The following OPN5 variants were observed in gnomAD, a reference collection of about 807,000 sequenced individuals.
OPN5 encodes opsin 5, also known as opsin-5.
Under a neutral mutation model 41.7 loss-of-function variants are expected in OPN5, and 18 were observed. That is an observed-to-expected ratio of 0.43 (90% CI 0.30 to 0.64). The LOEUF is 0.64. OPN5 is among the 30% of genes least tolerant of loss of function. The probability of loss-of-function intolerance (pLI) is 0.13; values close to 1 mark genes in which losing one functional copy is unlikely to be tolerated. For synonymous variants in OPN5, 178 were observed against 164.3 expected (o/e 1.08, Z -0.64); for missense variants, 318 against 434.5 (o/e 0.73, Z 2.38).
At chr6:47,814,193 G>A (rs187916241) in intron 6 of OPN5, among the ~76,000 whole-genome samples, 88 of 152,036 alleles carry the variant, frequency 5.8e-4, no homozygotes, top group African/African-American at 2.0e-3. Context: ...CTTTTGTGTG[G>A]GGGGATGATT....
intron 5 of OPN5, among the ~76,000 whole-genome samples, chr6:47,810,677 A>G (rs1403340664): frequency 6.6e-6 from 1 of 152,204 alleles, no homozygotes; most frequent in Non-Finnish European, 1.5e-5. Flanking sequence ...GGTAATTTTA[A>G]CAGTCTATTA....
chr6:47,823,938 T>A (rs900499408), intron 6 of OPN5, 45 bp from the exon 7 acceptor site: 2 of 1,486,992 alleles, frequency 1.3e-6, no homozygotes, highest in Non-Finnish European at 1.8e-6. Context: ...CTCCACTTAC[T>A]GGCTGTGTGC....
At chr6:47,782,957 T>A (rs1361418397) in intron 1 of OPN5, among the ~76,000 whole-genome samples, 1 of 152,152 alleles carries the variant, frequency 6.6e-6, no homozygotes, top group African/African-American at 2.4e-5. Context: ...TAATAATTTT[T>A]AAAAATTAAA....
chr6:47,787,281 A>G, intron 2 of OPN5: 1 of 490,862 alleles, frequency 2.0e-6, no homozygotes, highest in Non-Finnish European at 2.6e-6. Context: ...GAGAATCTAC[A>G]GGTATGTTAA....
chr6:47,817,207 G>C (rs930818887), intron 6 of OPN5, among the ~76,000 whole-genome samples: 1 of 152,072 alleles, frequency 6.6e-6, no homozygotes, highest in Non-Finnish European at 1.5e-5. Context: ...GAAGAAGGGG[G>C]TCAGAGCACG....
At chr6:47,799,433 G>A (rs1185894052) in intron 4 of OPN5, among the ~76,000 whole-genome samples, 2 of 152,130 alleles carry the variant, frequency 1.3e-5, no homozygotes, top group Non-Finnish European at 2.9e-5. Context: ...CAATGCCAGT[G>A]CTAATGGGTT....
chr6:47,819,222 T>G (rs528005164), intron 6 of OPN5, among the ~76,000 whole-genome samples: 1 of 150,646 alleles, frequency 6.6e-6, no homozygotes, highest in South Asian at 2.1e-4. Flanking sequence ...ACAATAAGAA[T>G]CACAAGAATA....
chr6:47,803,870 G>A (rs1021529473), intron 4 of OPN5, among the ~76,000 whole-genome samples: 2 of 152,156 alleles, frequency 1.3e-5, no homozygotes, highest in African/African-American at 4.8e-5. Flanking sequence ...GAGTTACTCA[G>A]AGTATCTCCA....
intron 5 of OPN5, among the ~76,000 whole-genome samples, 166 bp downstream of exon 5, chr6:47,808,561 T>C (rs977055053): frequency 6.6e-6 from 1 of 152,166 alleles, no homozygotes; most frequent in African/African-American, 2.4e-5. Flanking sequence ...AATCAAGTAA[T>C]CAGCTATGTA....
intron 4 of OPN5, among the ~76,000 whole-genome samples, chr6:47,803,406 C>T (rs1773848466): frequency 6.6e-6 from 1 of 152,082 alleles, no homozygotes; most frequent in Non-Finnish European, 1.5e-5. Context: ...CTAGCTAGAT[C>T]CAAGCTAGAA....
intron 2 of OPN5, among the ~76,000 whole-genome samples, chr6:47,791,560 A>G (rs1773374125): frequency 6.6e-6 from 1 of 152,168 alleles, no homozygotes; most frequent in African/African-American, 2.4e-5. Context: ...TTTTCCTTCT[A>G]TATCCTTTCA....
chr6:47,782,509 A>G lies in OPN5; in HGVS notation c.130+313A>G, dbSNP rs145020043. ...CTGAATACCAAAATTAATGATAATG[A>G]TATTTTATTTAAACAGAGTGCTTTT... On this transcript the variant is annotated intron_variant, in intron 1 of 6. Transcript: ENST00000371211. Among the ~76,000 whole-genome samples, 17 of 152,338 alleles carry G rather than the reference A, an allele frequency of 1.1e-4. No individual in the cohort carries two copies. The East Asian group carries it at 3.3e-3, about 29-fold the overall frequency.
exon 5 of OPN5, chr6:47,808,338 C>T (rs771226463): frequency 1.2e-6 from 2 of 1,614,006 alleles, no homozygotes; most frequent in Non-Finnish European, 1.7e-6. Context: ...TACAAATTTG[C>T]CTGTTGCCAA....
rs1232648477 is a variant in OPN5 at position 47,809,438 on chromosome 6, A to AAAAGATG, written c.998+1045_998+1051dup. Among the ~76,000 whole-genome samples the AAAAGATG allele has an allele frequency of 2.0e-5, 3 of 152,358 alleles. No individual in the cohort carries two copies. The South Asian group carries it at 6.2e-4, about 32-fold the overall frequency. ...TAGGTTCCTCACCACGGGTCAAATG[A>AAAAGATG]AAAGATGACAAAAAGGCACAAATAA... On this transcript the variant is annotated intron_variant, in intron 5 of 6. Coordinates refer to ENST00000371211, the Ensembl canonical transcript of OPN5.
At chr6:47,793,379 C>A (rs569080641) in intron 3 of OPN5, among the ~76,000 whole-genome samples, 3 of 152,138 alleles carry the variant, frequency 2.0e-5, no homozygotes, top group Non-Finnish European at 4.4e-5. Flanking sequence ...TAAGGTTGAA[C>A]CTCAGTAGTG....
At chr6:47,826,192 G>T (rs1256026943), downstream of OPN5, 1 of 152,026 alleles carries the variant, frequency 6.6e-6, no homozygotes, top group Non-Finnish European at 1.5e-5. Flanking sequence ...GCATATTGTG[G>T]TTCATGTTGA....
At chr6:47,801,842 C>G (rs1186292814) in intron 4 of OPN5, among the ~76,000 whole-genome samples, 1 of 151,840 alleles carries the variant, frequency 6.6e-6, no homozygotes. Flanking sequence ...TCCCCAGGAC[C>G]TAATACAATG....
chr6:47,824,264 T>C, exon 7 of OPN5: 1 of 487,498 alleles, frequency 2.1e-6, no homozygotes, highest in Non-Finnish European at 3.7e-6. Flanking sequence ...AGTGCACACC[T>C]CGGTCTCGTC....
intron 6 of OPN5, chr6:47,823,699 G>A (rs1762706684): frequency 1.9e-6 from 1 of 526,998 alleles, no homozygotes; most frequent in Non-Finnish European, 3.4e-6. Context: ...AGGAGTAGAA[G>A]ACCAGGATAT....
Sources: gnomAD v4.1 joint callset for allele counts (sites outside exome capture counted in the v4.1 genomes callset) on GRCh38, gnomAD v4.1.1 for gene constraint, MANE v1.5 for transcripts, NCBI Gene and HGNC (gene_info 2026-07-23, HGNC 2026-07-21) for gene names.